STN1: variants seen among roughly 807,000 people sequenced by gnomAD.
STN1 encodes STN1 subunit of CST complex.
A neutral mutation model predicts 45.5 loss-of-function variants in STN1; 29 were observed. The ratio of observed to expected loss-of-function variants is 0.64; its 90% confidence interval spans 0.47 to 0.87. The LOEUF (loss-of-function observed/expected upper bound fraction) is 0.87. Among genes scored for constraint, STN1 ranks in the 40% least tolerant of loss-of-function variants. The pLI, the probability that STN1 is intolerant of heterozygous loss-of-function variation, is 0.00. For missense variants in STN1, 376 were observed against 441.4 expected, an observed-to-expected ratio of 0.85 and a Z score of 1.33; for synonymous variants, 148 against 159.0, an observed-to-expected ratio of 0.93 and a Z score of 0.52.
rs1843042870 is a variant in STN1, at chr10:103,878,174, C to A, written c.*4510G>T. On this transcript the variant is annotated 3_prime_UTR_variant, in exon 10 of 10. Coordinates refer to ENST00000224950, the MANE Select transcript of STN1 (RefSeq NM_024928.5). Reference sequence around the variant, plus strand: ...ATGGCTCTTCAAACAAATCCTTGACCAGACAGTAGCACTATTTGTCTTCTT... The same window carrying A: ...ATGGCTCTTCAAACAAATCCTTGACAAGACAGTAGCACTATTTGTCTTCTT... The A allele has an allele frequency of 6.6e-6, 1 of 152,238 alleles. No homozygotes were observed. The highest frequency in any genetic ancestry group is 1.5e-5 in the Non-Finnish European group (1 of 68,060). 9.4% of individuals were successfully genotyped at this position (152,238 alleles called of 1,614,324 possible). A position where few individuals can be genotyped will look rare whatever the true frequency, so the allele number is the denominator to read the frequency against.
intron 7 of STN1, among the ~76,000 whole-genome samples, chr10:103,896,236 G>A (rs967884959): frequency 4.6e-5 from 7 of 152,110 alleles, no homozygotes; most frequent in African/African-American, 1.4e-4. Context: ...CTAGGCCCTG[G>A]GTAGAGAGCA....
rs781174874 is a variant in STN1, at chr10:103,897,589, G to C, written c.712C>G (p.Leu238Val). The C allele has an allele frequency of 1.9e-6, 3 of 1,614,132 alleles. No individual in the cohort carries two copies. The highest frequency in any genetic ancestry group is 2.5e-6 in the Non-Finnish European group (3 of 1,179,990). Reference protein sequence around the residue: ...ELEMVESLLSLANQPVIHSAS... With the variant: ...ELEMVESLLSVANQPVIHSAS... ...CTGTGAATCACAGGCTGATTGGCAA[G>C]GGACAGCAAAGACTCCACCATTTCC... The change falls in exon 7 of 10, where the codon CTT becomes GTT. Residue 238 changes from leucine to valine, a missense_variant. By Grantham distance (32) the Leu-to-Val change is conservative (BLOSUM62 1). Coordinates refer to ENST00000224950, the MANE Select transcript of STN1 (RefSeq NM_024928.5).
chr10:103,885,009 G>A (rs1474777611), intron 9 of STN1, among the ~76,000 whole-genome samples: 1 of 152,088 alleles, frequency 6.6e-6, no homozygotes, highest in Non-Finnish European at 1.5e-5. Flanking sequence ...GTAGAGCTTG[G>A]CAGACCTGGA....
At position 103,881,021 on chromosome 10, in the gene STN1, C is replaced by A. The variant is rs938905936; in HGVS notation, c.*1663G>T. ...ATACTATAGAAACAGATCTATAACTCTATCTACTTCCCACTAAATCTACTA... is the reference window on the plus strand; with the variant it reads ...ATACTATAGAAACAGATCTATAACTATATCTACTTCCCACTAAATCTACTA... On this transcript the variant is annotated 3_prime_UTR_variant, in exon 10 of 10. Transcript: ENST00000224950. 6.6e-6 allele frequency among the ~76,000 whole-genome samples: 1 copy of A among 152,190 alleles called. No individual in the cohort carries two copies. Among genetic ancestry groups the A allele is most frequent in the African/African-American group, 2.4e-5 (1 of 41,438 alleles).
At chr10:103,909,366 A>AAATATATATATATGTATATATATG (rs1564634873) in intron 3 of STN1, among the ~76,000 whole-genome samples, 3 of 80,244 alleles carry the variant, frequency 3.7e-5, no homozygotes, top group African/African-American at 1.1e-4. Flanking sequence ...AAAAAAAAAA[A>AAATATATATATATGTATATATATG]TATATATATA....
chr10:103,883,770 C>T (rs1440248646), intron 9 of STN1, among the ~76,000 whole-genome samples: 2 of 152,074 alleles, frequency 1.3e-5, no homozygotes, highest in Non-Finnish European at 2.9e-5. Flanking sequence ...TCAGCCCACT[C>T]CCTGTCCTCC....
At chr10:103,885,065 C>A (rs959894531) in intron 9 of STN1, among the ~76,000 whole-genome samples, 12 of 152,302 alleles carry the variant, frequency 7.9e-5, no homozygotes, top group African/African-American at 2.9e-4. Context: ...CCTGGCTCTA[C>A]AACTGGGACA....
intron 8 of STN1, among the ~76,000 whole-genome samples, chr10:103,890,113 G>GA (rs1039903600): frequency 3.3e-5 from 5 of 150,850 alleles, no homozygotes; most frequent in African/African-American, 7.4e-5. Flanking sequence ...GAAAGAGAAA[G>GA]AAAAAAAAGA....
intron 4 of STN1, among the ~76,000 whole-genome samples, chr10:103,900,630 T>C (rs948012708): frequency 1.3e-5 from 2 of 152,100 alleles, no homozygotes; most frequent in African/African-American, 2.4e-5. Context: ...ACTTGTCCCA[T>C]CTGAGTGCTC....
intron 2 of STN1, among the ~76,000 whole-genome samples, chr10:103,911,014 CTTT>C (rs10668099): frequency 7.0e-6 from 1 of 143,168 alleles, no homozygotes; most frequent in Non-Finnish European, 1.5e-5. Context: ...GCTTCTTTGG[CTTT>C]TTTTTTTTTT....
Position 103,893,024 on chromosome 10 carries a change from C to T in STN1, c.754-772G>A, listed in dbSNP as rs1843149805. On this transcript the variant is annotated intron_variant, in intron 7 of 9. Coordinates refer to ENST00000224950, the MANE Select transcript of STN1 (RefSeq NM_024928.5). ...TTCATCTTGGCCACCTCCTCCCTAG[C>T]ACACGTTAGGTGACTGATAAAGTAT... Among the ~76,000 whole-genome samples, 5 of 152,336 alleles carry T rather than the reference C, an allele frequency of 3.3e-5. No individual in the cohort carries two copies. The South Asian group carries it at 1.0e-3, about 32-fold the overall frequency.
chr10:103,910,067 C>T (rs1392357314), intron 3 of STN1, among the ~76,000 whole-genome samples: 1 of 152,066 alleles, frequency 6.6e-6, no homozygotes, highest in Non-Finnish European at 1.5e-5. Context: ...TATCAAAAGG[C>T]TTTTTGTTAA....
Position 103,881,056 on chromosome 10 carries a change from T to C in STN1, c.*1628A>G, listed in dbSNP as rs115281192. ...CCCACTAAATCTACTAGGGACAGTGTGCCATGGCAACACTGTCTGTCTGCT... is the reference window on the plus strand; with the variant it reads ...CCCACTAAATCTACTAGGGACAGTGCGCCATGGCAACACTGTCTGTCTGCT... On this transcript the variant is annotated 3_prime_UTR_variant, in exon 10 of 10. Transcript: ENST00000224950. Among the ~76,000 whole-genome samples the C allele has an allele frequency of 1.9e-3, 296 of 152,332 alleles. 3 individuals are homozygous for C. The highest frequency in any genetic ancestry group is 6.9e-3 in the African/African-American group (285 of 41,568).
Position 103,917,395 on chromosome 10 carries a change from C to G in STN1, c.133+67G>C, listed in dbSNP as rs975277347. 3.8e-4 allele frequency: 577 copies of G among 1,522,966 alleles called. 1 individual carries two copies. The highest frequency in any genetic ancestry group is 3.9e-4 in the Non-Finnish European group (434 of 1,125,776). 94.3% of individuals were successfully genotyped at this position (1,522,966 alleles called of 1,614,324 possible). A position where few individuals can be genotyped will look rare whatever the true frequency, so the allele number is the denominator to read the frequency against. ...CTCTCCTAAAAGCCTCTAATCCCAG[C>G]TTTCTGAGACTTTGGGAAAGGGTGG... On this transcript the variant is annotated intron_variant, in intron 2 of 9. Transcript: ENST00000224950.
chr10:103,906,623 T>C (rs1843243442), intron 3 of STN1, among the ~76,000 whole-genome samples: 1 of 152,008 alleles, frequency 6.6e-6, no homozygotes, highest in Non-Finnish European at 1.5e-5. Context: ...ATCATGCCAC[T>C]GCACTCCAGC....
chr10:103,881,176 T>C lies in STN1; in HGVS notation c.*1508A>G, dbSNP rs1260492970. Among the ~76,000 whole-genome samples, 3 of 152,226 alleles carry C rather than the reference T, an allele frequency of 2.0e-5. No homozygotes were observed. Among genetic ancestry groups the C allele is most frequent in the Admixed American group, 6.5e-5 (1 of 15,284 alleles). ...AGGTATTTTCCCCAATATAGAATTC[T>C]AGATTATACAGCAATGAACACCTTG... On this transcript the variant is annotated 3_prime_UTR_variant, in exon 10 of 10. Transcript: ENST00000224950.
intron 7 of STN1, 98 bp from the exon 8 acceptor site, chr10:103,892,350 C>G: frequency 8.6e-7 from 1 of 1,163,558 alleles, no homozygotes. Context: ...ATTTGTCCAA[C>G]AGGCCTTTTA....
chr10:103,911,898 G>C (rs1843294375), intron 2 of STN1, among the ~76,000 whole-genome samples: 1 of 152,092 alleles, frequency 6.6e-6, no homozygotes, highest in Admixed American at 6.5e-5. Context: ...TCCAAAGAAT[G>C]AACAAGGAGC....
chr10:103,882,394 T>C lies in STN1; in HGVS notation c.*290A>G. ...CAGTTAAGCTGCCAACACTGTTTCC[T>C]CCCCATTCTGCTCTGCGAACAACGC... On this transcript the variant is annotated 3_prime_UTR_variant, in exon 10 of 10. Coordinates refer to ENST00000224950, the MANE Select transcript of STN1 (RefSeq NM_024928.5). 1 of 313,214 alleles carries C rather than the reference T, an allele frequency of 3.2e-6. No homozygotes were observed. The highest frequency in any genetic ancestry group is 5.9e-5 in the South Asian group (1 of 16,944). 19.4% of individuals were successfully genotyped at this position (313,214 alleles called of 1,614,324 possible).
Sources: allele counts gnomAD v4.1 joint callset (sites outside exome capture counted in the v4.1 genomes callset), GRCh38; gene constraint gnomAD v4.1.1; transcripts MANE v1.5; gene names NCBI Gene and HGNC (gene_info 2026-07-23, HGNC 2026-07-21).